The following BIVM variants were observed in gnomAD, a reference collection of about 807,000 sequenced individuals.
BIVM encodes the protein basic immunoglobulin-like variable motif-containing protein.
A neutral mutation model predicts 61.4 loss-of-function variants in BIVM; 31 were observed. The observed-to-expected ratio is 0.51, with a 90% CI of 0.38 to 0.68. The LOEUF is 0.68. Among genes scored for constraint, BIVM ranks in the 30% least tolerant of loss-of-function variants. BIVM has a pLI of 0.00. For synonymous variants in BIVM, 189 were observed against 210.7 expected (o/e 0.90, Z 0.89); for missense variants, 526 against 596.0 (o/e 0.88, Z 1.22).
chr13:102,818,637 G>A (rs542694413), intron 4 of BIVM, among the ~76,000 whole-genome samples: 12 of 152,178 alleles, frequency 7.9e-5, no homozygotes, highest in Non-Finnish European at 1.6e-4. Context: ...AAGGATAGAT[G>A]GGAGAAATGC....
intron 3 of BIVM, among the ~76,000 whole-genome samples, chr13:102,809,082 T>A (rs914872170): frequency 2.0e-5 from 3 of 152,170 alleles, no homozygotes; most frequent in Non-Finnish European, 4.4e-5. Context: ...GGGTTTATTT[T>A]GTTCTTCATT....
chr13:102,835,421 T>C (rs1312123834), intron 9 of BIVM, among the ~76,000 whole-genome samples: 1 of 152,212 alleles, frequency 6.6e-6, no homozygotes, highest in Non-Finnish European at 1.5e-5. Flanking sequence ...CAGAACATTT[T>C]CATCACTCCA....
At chr13:102,803,669 C>G (rs566397174) in intron 1 of BIVM, among the ~76,000 whole-genome samples, 49 of 152,224 alleles carry the variant, frequency 3.2e-4, no homozygotes, top group African/African-American at 1.1e-3. Context: ...CAAACTCACT[C>G]TAATAACCTT....
intron 3 of BIVM, among the ~76,000 whole-genome samples, chr13:102,808,195 C>A (rs186799966): frequency 1.3e-3 from 203 of 152,258 alleles, no homozygotes; most frequent in Non-Finnish European, 2.2e-3. Context: ...CCTCCATGTA[C>A]CACCAAGTGG....
intron 7 of BIVM, among the ~76,000 whole-genome samples, chr13:102,823,727 C>G (rs953519229): frequency 6.6e-6 from 1 of 152,116 alleles, no homozygotes; most frequent in Non-Finnish European, 1.5e-5. Flanking sequence ...GCTTTTTATA[C>G]TGCCTATTGA....
rs111892680 is a variant in BIVM, at chr13:102,810,500, C to T, written c.478+2755C>T. The stretch of plus-strand genomic sequence containing the variant: ...AATCCATTTACATTTGAAGTAATCA[C>T]TGATAAGGAGAGACTTGTCATTTTA... On this transcript the variant is annotated intron_variant, in intron 3 of 10. Transcript: ENST00000257336. Among the ~76,000 whole-genome samples the T allele has an allele frequency of 6.1e-3, 930 of 152,342 alleles. 15 individuals carry two copies. The highest frequency in any genetic ancestry group is 0.021 in the African/African-American group (881 of 41,570).
chr13:102,807,145 G>T lies in BIVM; in HGVS notation c.-122-1G>T. On this transcript the variant is annotated splice_acceptor_variant, in intron 2 of 10. Transcript: ENST00000257336. LOFTEE classifies it low-confidence loss of function (5UTR_SPLICE). This position sits in a 1 kb window ranked among gnomAD's most constrained non-coding sequence, Gnocchi z 4.0. ...TGATCATTCTTTTTCCTTCCTCTTAGGAGCTCATTTTGCAGCTCTCAAGCT... is the reference window on the plus strand; with the variant it reads ...TGATCATTCTTTTTCCTTCCTCTTATGAGCTCATTTTGCAGCTCTCAAGCT... 1 of 1,009,678 alleles carries T rather than the reference G, an allele frequency of 9.9e-7. No homozygotes were observed. Among genetic ancestry groups the T allele is most frequent in the Non-Finnish European group, 1.4e-6 (1 of 707,414 alleles). The allele number at this position is 1,009,678 out of a possible 1,614,324, so 62.5% of individuals were successfully genotyped here. A position where few individuals can be genotyped will look rare whatever the true frequency, so the allele number is the denominator to read the frequency against.
At chr13:102,833,194 A>G (rs942645715) in intron 8 of BIVM, among the ~76,000 whole-genome samples, 5 of 151,826 alleles carry the variant, frequency 3.3e-5, no homozygotes, top group East Asian at 1.9e-4. Flanking sequence ...AGAACATGCC[A>G]CTGCACTCCA....
chr13:102,840,833 CT>C lies in BIVM; in HGVS notation c.*969del, dbSNP rs1472843424. ...TAGGTCTCGAAAGACTTTTATAAGT[CT>C]AGATGACGTTTGCCTTAGGGGTAAA... is the stretch of plus-strand genomic sequence containing the variant. On this transcript the variant is annotated 3_prime_UTR_variant, in exon 11 of 11. Coordinates refer to ENST00000257336, the MANE Select transcript of BIVM (RefSeq NM_017693.4). 1 of 151,866 alleles carries C rather than the reference CT, an allele frequency of 6.6e-6. No homozygotes were observed. Among genetic ancestry groups the C allele is most frequent in the Non-Finnish European group, 1.5e-5 (1 of 67,998 alleles). 9.4% of individuals were successfully genotyped at this position (151,866 alleles called of 1,614,324 possible). A position where few individuals can be genotyped will look rare whatever the true frequency, so the allele number is the denominator to read the frequency against.
chr13:102,820,993 T>G (rs747959964), intron 4 of BIVM, 44 bp from the exon 5 acceptor site: 2 of 1,563,504 alleles, frequency 1.3e-6, no homozygotes, highest in East Asian at 4.5e-5. Flanking sequence ...GCATGCATAT[T>G]TTGTGTTCAT....
intron 8 of BIVM, 143 bp from the exon 9 acceptor site, chr13:102,834,323 C>A: frequency 1.4e-6 from 1 of 713,362 alleles, no homozygotes; most frequent in South Asian, 3.2e-5. Flanking sequence ...GAAATTTGCC[C>A]TCACCTAAGC....
chr13:102,805,912 G>A (rs1279176230), intron 2 of BIVM, among the ~76,000 whole-genome samples: 1 of 152,152 alleles, frequency 6.6e-6, no homozygotes, highest in Non-Finnish European at 1.5e-5. Context: ...CTCAGTTGGT[G>A]GACATTTGGG....
chr13:102,825,145 C>T (rs573143258), intron 7 of BIVM, among the ~76,000 whole-genome samples: 42 of 152,114 alleles, frequency 2.8e-4, no homozygotes, highest in Admixed American at 9.2e-4. Context: ...TGGGGTTTCA[C>T]CATGTTAGCC....
intron 2 of BIVM, among the ~76,000 whole-genome samples, chr13:102,805,812 C>T (rs574883718): frequency 3.0e-4 from 45 of 152,206 alleles, no homozygotes; most frequent in Admixed American, 1.4e-3. Context: ...CGGGGTTCAT[C>T]CATGTTGTAG....
chr13:102,838,873 C>A (rs7337774), intron 10 of BIVM, 134 bp downstream of exon 10: 2 of 802,392 alleles, frequency 2.5e-6, no homozygotes, highest in Non-Finnish European at 3.8e-6. Flanking sequence ...TAAGGACACA[C>A]GGCTGTCTTT....
At chr13:102,836,339 GTCTC>G (rs1188507303) in intron 9 of BIVM, among the ~76,000 whole-genome samples, 1 of 152,044 alleles carries the variant, frequency 6.6e-6, no homozygotes, top group Admixed American at 6.6e-5. Flanking sequence ...TTGAGACAGG[GTCTC>G]TCTCTATCAC....
intron 3 of BIVM, among the ~76,000 whole-genome samples, chr13:102,809,858 T>TCACTG (rs1213183281): frequency 2.0e-5 from 3 of 150,784 alleles, no homozygotes; most frequent in Non-Finnish European, 4.4e-5. Context: ...CGATCTCGGC[T>TCACTG]CACTGCAAGC....
At chr13:102,808,294 G>C (rs1415631848) in intron 3 of BIVM, among the ~76,000 whole-genome samples, 3 of 152,190 alleles carry the variant, frequency 2.0e-5, no homozygotes, top group Non-Finnish European at 4.4e-5. Context: ...ATGGCAGATA[G>C]AAATACTTTA....
In BIVM at chr13:102,807,561, C is replaced by T. The variant is rs149680801; in HGVS notation, c.294C>T (p.Thr98=). The part of the protein sequence containing the change: ...PSRSPCLPDS[T]SLSAGNNSSR... ...GCTCTCCTTGCCTCCCTGATAGTAC[C>T]TCTTTATCTGCTGGAAATAATTCAT... Residue 98 remains threonine (T), a synonymous_variant, in exon 3 of 11, where the codon ACC becomes ACT. Transcript: ENST00000257336. This position sits in a 1 kb window ranked among gnomAD's most constrained non-coding sequence, Gnocchi z 4.0. 87 of 1,614,086 alleles carry T rather than the reference C, an allele frequency of 5.4e-5. No homozygotes were observed. In the African/African-American group the frequency reaches 9.9e-4, roughly 18 times the overall value.
Sources: allele counts gnomAD v4.1 joint callset (sites outside exome capture counted in the v4.1 genomes callset), GRCh38; gene constraint gnomAD v4.1.1; non-coding constraint Gnocchi (gnomAD v3.1); transcripts MANE v1.5; gene names NCBI Gene and HGNC (gene_info 2026-07-23, HGNC 2026-07-21).